NWD1: variants seen among roughly 807,000 people sequenced by gnomAD.
NWD1 encodes NACHT domain- and WD repeat-containing protein 1.
A neutral mutation model predicts 135.1 loss-of-function variants in NWD1; 129 were observed. The ratio of observed to expected loss-of-function variants is 0.96; its 90% CI spans 0.83 to 1.11. The LOEUF is 1.11. Ranked by LOEUF, NWD1 falls within the 50% of genes least tolerant of loss-of-function variation. The pLI is 0.00. For missense variants in NWD1, 1,740 were observed against 1,851.3 expected (o/e 0.94, Z 1.10); for synonymous variants, 773 against 786.0 (o/e 0.98, Z 0.28).
intron 17 of NWD1, among the ~76,000 whole-genome samples, chr19:16,802,008 G>A (rs966622334): frequency 6.6e-6 from 1 of 151,660 alleles, no homozygotes; most frequent in Non-Finnish European, 1.5e-5. Context: ...AATAATGGCC[G>A]GGCATGGTGG....
chr19:16,811,252 A>T (rs117998858), intron 18 of NWD1, among the ~76,000 whole-genome samples: 2,998 of 152,302 alleles, frequency 0.02, 35 homozygotes, highest in Non-Finnish European at 0.029. Context: ...CGTATAACCA[A>T]AGTAATTTAA....
rs770575519 is a variant in NWD1, at chr19:16,750,365, G to T, written c.1723G>T (p.Gly575Trp). Reference protein sequence around the residue: ...QLCTRLEQTHGQLLVAHVLGY... With the variant: ...QLCTRLEQTHWQLLVAHVLGY... Reference sequence around the variant, plus strand: ...CTGCACCCGCCTGGAGCAGACACACGGGCAGCTCCTCGTGGCCCACGTGCT... The same window carrying T: ...CTGCACCCGCCTGGAGCAGACACACTGGCAGCTCCTCGTGGCCCACGTGCT... The change falls in exon 6 of 19, where the codon GGG (glycine) becomes TGG (tryptophan). Residue 575 changes from glycine (G) to tryptophan (W), a missense_variant. Coordinates refer to ENST00000524140, the MANE Select transcript of NWD1 (RefSeq NM_001007525.5). 6.2e-7 allele frequency: 1 copy of T among 1,605,248 alleles called. No individual in the cohort carries two copies. The highest frequency in any genetic ancestry group is 8.5e-7 in the Non-Finnish European group (1 of 1,176,600).
intron 8 of NWD1, among the ~76,000 whole-genome samples, chr19:16,763,175 C>T (rs1969086318): frequency 6.6e-6 from 1 of 152,022 alleles, no homozygotes; most frequent in Non-Finnish European, 1.5e-5. Flanking sequence ...GACTCAGCTT[C>T]ATCCTGCCTC....
At position 16,745,190 on chromosome 19, in the gene NWD1, A is replaced by G. The variant is rs1457965615; in HGVS notation, c.496+472A>G. The G allele has an allele frequency of 1.0e-5, 4 of 398,896 alleles. No individual in the cohort carries two copies. The Admixed American group carries it at 1.2e-4, about 12-fold the overall frequency. 24.7% of individuals were successfully genotyped at this position (398,896 alleles called of 1,614,324 possible). On this transcript the variant is annotated intron_variant, in intron 5 of 18. Coordinates refer to ENST00000524140, the MANE Select transcript of NWD1 (RefSeq NM_001007525.5). ...CCAAGCGAAAGGGGAAATTCCTTAT[A>G]AAACCATCAGATCTTGTGAGACTTA...
chr19:16,761,350 C>CTCTT (rs145039514), intron 7 of NWD1, among the ~76,000 whole-genome samples: 13,391 of 144,162 alleles, frequency 0.093, 1,012 homozygotes, highest in African/African-American at 0.24. Flanking sequence ...CCCTTTCTTT[C>CTCTT]TCTTTCTTTC....
chr19:16,751,588 G>A (rs535043530), intron 6 of NWD1, among the ~76,000 whole-genome samples: 267 of 151,996 alleles, frequency 1.8e-3, no homozygotes, highest in African/African-American at 6.3e-3. Flanking sequence ...ATCACTTGAA[G>A]TCAGGAATTT....
rs768661329 is a variant in NWD1 at position 16,765,125 on chromosome 19, C to CTCAA, written c.2343_2344insTCAA (p.Pro782SerfsTer3). On this transcript the variant is annotated frameshift_variant, in exon 10 of 19. Coordinates refer to ENST00000524140, the MANE Select transcript of NWD1 (RefSeq NM_001007525.5). LOFTEE classifies it high-confidence loss of function. ...ACCTGTGTGCCCCTCACCTGGACTC[C>CTCAA]CCTGAGGTTGGCCTGGTCCGTGAAG... The CTCAA allele has an allele frequency of 6.2e-7, 1 of 1,614,150 alleles. No homozygotes were observed. Among genetic ancestry groups the CTCAA allele is most frequent in the South Asian group, 1.1e-5 (1 of 91,072 alleles).
At chr19:16,803,136 C>T (rs1970652039) in intron 17 of NWD1, among the ~76,000 whole-genome samples, 1 of 152,054 alleles carries the variant, frequency 6.6e-6, no homozygotes, top group Non-Finnish European at 1.5e-5. Flanking sequence ...TTTACAAAAC[C>T]ATCAGATCTC....
chr19:16,795,470 G>A lies in NWD1; in HGVS notation c.3304+917G>A, dbSNP rs570342398. 3.4e-5 allele frequency among the ~76,000 whole-genome samples: 5 copies of A among 147,030 alleles called. No individual in the cohort carries two copies. In the East Asian group the frequency reaches 1.0e-3, roughly 29 times the overall value. On this transcript the variant is annotated intron_variant, in intron 15 of 18. Coordinates refer to ENST00000524140, the MANE Select transcript of NWD1 (RefSeq NM_001007525.5). ...CTCGCTCTATTGCGTAGGCTGTAGT[G>A]CAGTGGTATGATCTCAGCTCACTGC...
intron 12 of NWD1, among the ~76,000 whole-genome samples, chr19:16,786,442 A>C (rs1970043582): frequency 6.6e-6 from 1 of 152,108 alleles, no homozygotes; most frequent in Non-Finnish European, 1.5e-5. Flanking sequence ...CCCATCACTG[A>C]GGTAGTGAGC....
intron 9 of NWD1, among the ~76,000 whole-genome samples, chr19:16,764,381 A>G (rs924433585): frequency 1.1e-4 from 14 of 124,464 alleles, no homozygotes; most frequent in Middle Eastern, 3.8e-3. Context: ...CCATCCATCC[A>G]TCCATCCATC....
intron 3 of NWD1, among the ~76,000 whole-genome samples, chr19:16,735,829 A>AAG (rs1568337322): frequency 5.3e-5 from 3 of 56,948 alleles, no homozygotes; most frequent in Non-Finnish European, 7.1e-5. Context: ...AAGGAAGGAA[A>AAG]GAAGGAAGGA....
intron 14 of NWD1, among the ~76,000 whole-genome samples, chr19:16,792,489 C>T (rs1319253840): frequency 6.6e-6 from 1 of 152,012 alleles, no homozygotes; most frequent in Non-Finnish European, 1.5e-5. Context: ...CCAGCCTGGC[C>T]AACATGAAGA....
At chr19:16,737,271 CTTTTT>C (rs1967860913) in intron 4 of NWD1, among the ~76,000 whole-genome samples, 1 of 151,824 alleles carries the variant, frequency 6.6e-6, no homozygotes, top group African/African-American at 2.4e-5. Context: ...AGTCTTTTTT[CTTTTT>C]CTTTTTTGAG....
Position 16,783,539 on chromosome 19 carries a change from C to A in NWD1, c.2731+4074C>A, listed in dbSNP as rs189174752. Among the ~76,000 whole-genome samples, 1,357 of 152,026 alleles carry A rather than the reference C, an allele frequency of 8.9e-3. 26 individuals carry two copies. The highest frequency in any genetic ancestry group is 0.031 in the African/African-American group (1,301 of 41,480). ...ATCCCAGCTACTCGGGAGGCTGAGG[C>A]AGGAGAATCACTTGAACCCAGGAGG... On this transcript the variant is annotated intron_variant, in intron 12 of 18. Coordinates refer to ENST00000524140, the MANE Select transcript of NWD1 (RefSeq NM_001007525.5).
intron 10 of NWD1, among the ~76,000 whole-genome samples, chr19:16,772,637 T>C (rs1969455988): frequency 6.6e-6 from 1 of 151,926 alleles, no homozygotes; most frequent in Non-Finnish European, 1.5e-5. Flanking sequence ...CAGGCTAAAA[T>C]TCCATCTCAA....
chr19:16,814,312 G>T (rs959691226), intron 18 of NWD1, among the ~76,000 whole-genome samples: 1 of 152,200 alleles, frequency 6.6e-6, no homozygotes. Flanking sequence ...GTAGGCTTAG[G>T]TTTGAGGCTG....
intron 3 of NWD1, 53 bp downstream of exon 3, chr19:16,731,331 T>A: frequency 9.2e-7 from 1 of 1,086,394 alleles, no homozygotes; most frequent in Non-Finnish European, 1.3e-6. Flanking sequence ...TTTTGACACG[T>A]AGTTCTTGCT....
In NWD1 at chr19:16,765,041, GA is replaced by G. The variant is rs1165092910; in HGVS notation, c.2260del (p.Ser754AlafsTer131). On this transcript the variant is annotated frameshift_variant, in exon 10 of 19. Coordinates refer to ENST00000524140, the MANE Select transcript of NWD1 (RefSeq NM_001007525.5). LOFTEE classifies it high-confidence loss of function. Reference sequence around the variant, plus strand: ...CCCCCTTCTCTCCCTCAGGCAGCATGAGCTGGATTTCCTGCCGGGGCATCTC... The same window carrying G: ...CCCCCTTCTCTCCCTCAGGCAGCATGGCTGGATTTCCTGCCGGGGCATCTC... Reference protein sequence around the residue: ...ELKQEVLGSMSWISCRGISGG... With the variant: ...ELKQEVLGSMXWISCRGISGG... The G allele has an allele frequency of 6.2e-7, 1 of 1,614,132 alleles. No homozygotes were observed. Among genetic ancestry groups the G allele is most frequent in the South Asian group, 1.1e-5 (1 of 91,084 alleles).
Sources: gnomAD v4.1 joint callset for allele counts (sites outside exome capture counted in the v4.1 genomes callset) on GRCh38, gnomAD v4.1.1 for gene constraint, MANE v1.5 for transcripts, NCBI Gene and HGNC (gene_info 2026-07-23, HGNC 2026-07-21) for gene names.